The following NDUFA12 variants were observed in gnomAD, a reference collection of about 807,000 sequenced individuals.
The protein encoded by NDUFA12 is NADH:ubiquinone oxidoreductase subunit A12.
Under a neutral mutation model 20.3 loss-of-function variants are expected in NDUFA12, and 17 were observed. The ratio of observed to expected loss-of-function variants is 0.84; its 90% CI spans 0.57 to 1.26. NDUFA12 has a LOEUF of 1.26. Among genes scored for constraint, NDUFA12 ranks in the 50% most tolerant of loss-of-function variants. The pLI, the probability that NDUFA12 is intolerant of heterozygous loss-of-function variation, is 0.00. For synonymous variants in NDUFA12, 72 were observed against 63.6 expected, an observed-to-expected ratio of 1.13 and a Z score of -0.63; for missense variants, 191 against 183.7, an observed-to-expected ratio of 1.04 and a Z score of -0.23.
Position 94,971,561 on chromosome 12 carries a change from C to A in NDUFA12, c.317G>T (p.Arg106Leu). 6.2e-7 allele frequency: 1 copy of A among 1,614,084 alleles called. No homozygotes were observed. Among genetic ancestry groups the A allele is most frequent in the Non-Finnish European group, 8.5e-7 (1 of 1,180,014 alleles). The change falls in exon 4 of 4, where the codon CGT (arginine) becomes CTT (leucine). Residue 106 changes from arginine (R) to leucine (L), a missense_variant. By Grantham distance (102) the Arg-to-Leu change is moderately radical (BLOSUM62 -2). Coordinates refer to ENST00000327772, the MANE Select transcript of NDUFA12 (RefSeq NM_018838.5). ...TTTATGGTTCGTCCAAATGAATTTA[C>A]GAGCAGTAAGTGGTTTTGTTGTTGG... ...DPPTTKPLTA[R>L]KFIWTNHKFN... is the part of the protein sequence containing the mutation.
At position 94,994,236 on chromosome 12, in the gene NDUFA12, T is replaced by C. The variant is rs755476188; in HGVS notation, c.191A>G (p.Tyr64Cys). The change falls in exon 3 of 4, where the codon TAT becomes TGT. Residue 64 changes from tyrosine to cysteine, a missense_variant. Transcript: ENST00000327772. ...GTTTTTGCCATTCATTTCAGTAGTA[T>C]ATACAACCCATCGGTGACGGCCTGG... ...QFFGRHRWVVYTTEMNGKNTF... is the reference protein window; with the variant it reads ...QFFGRHRWVVCTTEMNGKNTF... 1.9e-6 allele frequency: 3 copies of C among 1,614,202 alleles called. No individual in the cohort carries two copies. Among genetic ancestry groups the C allele is most frequent in the Non-Finnish European group, 2.5e-6 (3 of 1,180,014 alleles).
Position 94,994,008 on chromosome 12 carries a change from C to T in NDUFA12, c.257+162G>A, listed in dbSNP as rs59732187. Among the ~76,000 whole-genome samples, 10,766 of 152,150 alleles carry T rather than the reference C, an allele frequency of 0.071. 491 individuals carry two copies. Among genetic ancestry groups the T allele is most frequent in the South Asian group, 0.16 (769 of 4,816 alleles). The stretch of plus-strand genomic sequence containing the variant: ...GTGAGATGGCATGGGCCTGTAGTCC[C>T]AGCTACTAGGGAGGCTGATGTGGGA... On this transcript the variant is annotated intron_variant, in intron 3 of 3. Transcript: ENST00000327772.
At chr12:94,992,746 C>G (rs933671985) in intron 3 of NDUFA12, among the ~76,000 whole-genome samples, 6 of 152,162 alleles carry the variant, frequency 3.9e-5, no homozygotes, top group Non-Finnish European at 5.9e-5. Flanking sequence ...TGACAGCCAG[C>G]AATAAATGCC....
chr12:94,989,522 C>G (rs2136067017), intron 3 of NDUFA12, among the ~76,000 whole-genome samples: 1 of 152,268 alleles, frequency 6.6e-6, no homozygotes, highest in African/African-American at 2.4e-5. Context: ...GTTTGAGAAA[C>G]AAACAGCTAA....
intron 3 of NDUFA12, chr12:94,972,405 T>C (rs1395897539): frequency 6.8e-6 from 3 of 443,910 alleles, no homozygotes; most frequent in African/African-American, 4.0e-5. Flanking sequence ...AGTATTACTA[T>C]TAGGTGCTAG....
chr12:95,003,494 C>T, intron 1 of NDUFA12, 101 bp downstream of exon 1: 1 of 1,249,710 alleles, frequency 8.0e-7, no homozygotes. Context: ...TTGACAAGAG[C>T]TGTGGATTCT....
At position 94,994,264 on chromosome 12, in the gene NDUFA12, G is replaced by A; in HGVS notation, c.170-7C>T. 6.2e-7 allele frequency: 1 copy of A among 1,612,306 alleles called. No homozygotes were observed. Among genetic ancestry groups the A allele is most frequent in the Non-Finnish European group, 8.5e-7 (1 of 1,178,706 alleles). ...ACAACCCATCGGTGACGGCCTGGGT[G>A]GGAAGATGAACATTTAAAAAGAAAA... On this transcript the variant is annotated splice_polypyrimidine_tract_variant and splice_region_variant and intron_variant, in intron 2 of 3. Coordinates refer to ENST00000327772, the MANE Select transcript of NDUFA12 (RefSeq NM_018838.5).
intron 2 of NDUFA12, among the ~76,000 whole-genome samples, chr12:94,997,763 C>T (rs936562563): frequency 6.6e-6 from 1 of 151,960 alleles, no homozygotes; most frequent in Non-Finnish European, 1.5e-5. Context: ...AACCTAAAAT[C>T]TGAAATACTT....
At chr12:94,986,357 G>C (rs1369701013) in intron 3 of NDUFA12, among the ~76,000 whole-genome samples, 1 of 151,908 alleles carries the variant, frequency 6.6e-6, no homozygotes, top group Non-Finnish European at 1.5e-5. Context: ...TCAGTTAGGA[G>C]GACTAAGCTT....
At chr12:94,990,719 C>T (rs1874611790) in intron 3 of NDUFA12, among the ~76,000 whole-genome samples, 1 of 152,030 alleles carries the variant, frequency 6.6e-6, no homozygotes, top group South Asian at 2.1e-4. Context: ...GTATGAGCCA[C>T]CACACCAAGC....
chr12:94,972,562 A>G, intron 3 of NDUFA12: 3 of 401,214 alleles, frequency 7.5e-6, no homozygotes, highest in Non-Finnish European at 1.6e-5. Context: ...GCAACTTGTT[A>G]TATTAAAAAA....
At chr12:95,002,948 T>A in intron 1 of NDUFA12, 127 bp from the exon 2 acceptor site, 1 of 787,796 alleles carries the variant, frequency 1.3e-6, no homozygotes, top group Non-Finnish European at 2.2e-6. Context: ...AATGAAGAAG[T>A]GCTGGGGATG....
chr12:95,002,732 C>T lies in NDUFA12; in HGVS notation c.169+7G>A. 2 of 1,606,500 alleles carry T rather than the reference C, an allele frequency of 1.2e-6. No homozygotes were observed. The highest frequency in any genetic ancestry group is 1.7e-6 in the Non-Finnish European group (2 of 1,173,210). The stretch of plus-strand genomic sequence containing the variant: ...CAATTATTCATACTAAAAAATACTG[C>T]ACTCACCAAAAAATTGCTTGTTGTC... On this transcript the variant is annotated splice_region_variant and intron_variant, in intron 2 of 3. Coordinates refer to ENST00000327772, the MANE Select transcript of NDUFA12 (RefSeq NM_018838.5).
intron 2 of NDUFA12, among the ~76,000 whole-genome samples, chr12:95,002,154 A>G (rs527742337): frequency 1.1e-4 from 17 of 151,216 alleles, no homozygotes; most frequent in African/African-American, 3.2e-4. Flanking sequence ...CTTGAAAAAT[A>G]CTCAAGGCTG....
intron 2 of NDUFA12, 113 bp from the exon 3 acceptor site, chr12:94,994,370 T>C: frequency 5.2e-6 from 4 of 773,920 alleles, no homozygotes; most frequent in South Asian, 1.6e-5. Context: ...TGATCTTATA[T>C]AAGAGAGCTA....
intron 3 of NDUFA12, among the ~76,000 whole-genome samples, chr12:94,976,389 TG>T (rs1386875820): frequency 1.3e-5 from 2 of 152,188 alleles, no homozygotes; most frequent in Non-Finnish European, 2.9e-5. Context: ...CTAGTGTCTA[TG>T]GGGGATTGAT....
In NDUFA12 at chr12:95,001,646, A is replaced by C. The variant is rs187033166; in HGVS notation, c.169+1093T>G. ...CTGTCTCAACATTAAATAAATAAAT[A>C]AATTTTTAAAATATAATAAAACAAT... is the stretch of plus-strand genomic sequence containing the variant. On this transcript the variant is annotated intron_variant, in intron 2 of 3. Coordinates refer to ENST00000327772, the MANE Select transcript of NDUFA12 (RefSeq NM_018838.5). Among the ~76,000 whole-genome samples, 448 of 152,280 alleles carry C rather than the reference A, an allele frequency of 2.9e-3. 1 individual carries two copies. The highest frequency in any genetic ancestry group is 0.01 in the African/African-American group (421 of 41,556).
At chr12:94,988,669 C>A (rs980819676) in intron 3 of NDUFA12, among the ~76,000 whole-genome samples, 48 of 152,178 alleles carry the variant, frequency 3.2e-4, no homozygotes, top group African/African-American at 1.1e-3. Flanking sequence ...CCGAAAGACA[C>A]ATACCCCCTT....
intron 2 of NDUFA12, among the ~76,000 whole-genome samples, chr12:94,997,854 A>C (rs1874889049): frequency 6.6e-6 from 1 of 152,182 alleles, no homozygotes; most frequent in Non-Finnish European, 1.5e-5. Flanking sequence ...TTTATTGAGC[A>C]CTTATTATGT....
Sources: gnomAD v4.1 joint callset for allele counts (sites outside exome capture counted in the v4.1 genomes callset) on GRCh38, gnomAD v4.1.1 for gene constraint, MANE v1.5 for transcripts, NCBI Gene and HGNC (gene_info 2026-07-23, HGNC 2026-07-21) for gene names.